Variants in MAPT observed in about 807,000 individuals in gnomAD.
MAPT encodes microtubule associated protein tau, also known as microtubule-associated protein tau.
MAPT carries 34 observed loss-of-function variants against 67.9 expected under a neutral mutation model. That is an observed-to-expected ratio of 0.50 (90% CI 0.38 to 0.67). The LOEUF is 0.67. Ranked by LOEUF, MAPT falls within the 30% of genes least tolerant of loss-of-function variation. MAPT has a pLI of 0.00. For missense variants in MAPT, 881 were observed against 1,115.2 expected (o/e 0.79, Z 2.99); for synonymous variants, 456 against 464.5 (o/e 0.98, Z 0.23).
intron 7 of MAPT, 75 bp downstream of exon 7, chr17:45,990,150 T>G: frequency 7.2e-7 from 1 of 1,384,204 alleles, no homozygotes; most frequent in Non-Finnish European, 1.0e-6. Context: ...TTATTTGTTT[T>G]TTAGCCTCAA....
At chr17:45,992,844 TC>T (rs1386613866) in intron 8 of MAPT, among the ~76,000 whole-genome samples, 6 of 145,094 alleles carry the variant, frequency 4.1e-5, no homozygotes, top group Non-Finnish European at 8.9e-5. Flanking sequence ...TGAGCTGAGA[TC>T]GCACCATTGC....
At chr17:45,925,036 T>G (rs2066144087) in intron 1 of MAPT, among the ~76,000 whole-genome samples, 1 of 152,158 alleles carries the variant, frequency 6.6e-6, no homozygotes, top group Non-Finnish European at 1.5e-5. Flanking sequence ...TGAGGTAAAT[T>G]TAGTTCTGAC....
chr17:46,002,864 C>G (rs933356789), intron 9 of MAPT, among the ~76,000 whole-genome samples: 1 of 151,928 alleles, frequency 6.6e-6, no homozygotes, highest in Non-Finnish European at 1.5e-5. Flanking sequence ...CTCACTGCAG[C>G]CTTGAAGTCC....
chr17:45,928,725 T>C (rs570566958), intron 1 of MAPT, among the ~76,000 whole-genome samples: 1 of 152,312 alleles, frequency 6.6e-6, no homozygotes, highest in South Asian at 2.1e-4. Context: ...AGACAGAGTT[T>C]TGCTCTGTCA....
intron 9 of MAPT, among the ~76,000 whole-genome samples, chr17:46,006,984 A>AAAATAAAATAAAATAAAAT (rs1568322234): frequency 1.2e-5 from 1 of 85,486 alleles, no homozygotes; most frequent in African/African-American, 3.5e-5. Context: ...TAAAATAAAT[A>AAAATAAAATAAAATAAAAT]AAATAAAATA....
chr17:45,969,856 C>T (rs992943408), intron 2 of MAPT, among the ~76,000 whole-genome samples: 2 of 151,988 alleles, frequency 1.3e-5, no homozygotes, highest in Non-Finnish European at 2.9e-5. Flanking sequence ...ATTCTTCCAT[C>T]GATTCATCCA....
Position 45,996,416 on chromosome 17 carries a change from G to C in MAPT, c.1750G>C (p.Gly584Arg). Residue 584 changes from glycine to arginine, a missense_variant, in exon 9 of 13, where the codon GGG (glycine) becomes CGG (arginine). Around this residue, in one of 6 missense-constraint regions of MAPT, gnomAD observed 33 missense variants for 76.0 expected, o/e 0.43. Coordinates refer to ENST00000262410, the MANE Select transcript of MAPT (RefSeq NM_001377265.1). This position sits in a 1 kb window ranked among gnomAD's most constrained non-coding sequence, Gnocchi z 4.5. Reference protein sequence around the residue: ...PPSSGEPPKSGDRSGYSSPGS... With the variant: ...PPSSGEPPKSRDRSGYSSPGS... ...CTTCCCAGGTGAACCTCCAAAATCA[G>C]GGGATCGCAGCGGCTACAGCAGCCC... 3 of 1,612,644 alleles carry C rather than the reference G, an allele frequency of 1.9e-6. No individual in the cohort carries two copies. The highest frequency in any genetic ancestry group is 2.5e-6 in the Non-Finnish European group (3 of 1,179,988).
At chr17:45,914,230 C>T (rs1222944039) in intron 1 of MAPT, among the ~76,000 whole-genome samples, 4 of 102,280 alleles carry the variant, frequency 3.9e-5, no homozygotes, top group East Asian at 2.0e-4. Flanking sequence ...CAGGCTGCCA[C>T]GCATCATGGG....
chr17:45,904,059 T>TTTATATATTATATATTTA (rs1460915885), intron 1 of MAPT, among the ~76,000 whole-genome samples: 2 of 19,388 alleles, frequency 1.0e-4, no homozygotes, highest in Non-Finnish European at 2.0e-4. Flanking sequence ...ATATTATATA[T>TTTATATATTATATATTTA]TATATATTAT....
intron 1 of MAPT, among the ~76,000 whole-genome samples, chr17:45,926,173 T>G (rs2066269711): frequency 6.6e-6 from 1 of 151,572 alleles, no homozygotes; most frequent in South Asian, 2.1e-4. Context: ...ATCGTGCCAC[T>G]GCACTCTAGT....
intron 4 of MAPT, chr17:45,980,404 G>GAAGGCAGGAGAATTGTTACT: frequency 6.6e-6 from 1 of 151,822 alleles, no homozygotes; most frequent in Admixed American, 6.6e-5. Context: ...GGGAGGAGTA[G>GAAGGCAGGAGAATTGTTACT]GAGGCAGGAG....
Position 46,010,330 on chromosome 17 carries a change from G to A in MAPT, c.2019G>A (p.Lys673=). The change falls in exon 10 of 13, where the codon AAG becomes AAA. Residue 673 remains lysine (K), a synonymous_variant. Transcript: ENST00000262410. The surrounding 1 kb of genome is among the most constrained non-coding windows in gnomAD (Gnocchi z 4.7). Reference sequence around the variant, plus strand: ...CAAAGGTGCAGATAATTAATAAGAAGCTGGATCTTAGCAACGTCCAGTCCA... The same window carrying A: ...CAAAGGTGCAGATAATTAATAAGAAACTGGATCTTAGCAACGTCCAGTCCA... ...GGGKVQIINK[K]LDLSNVQSKC... 1 of 1,577,086 alleles carries A rather than the reference G, an allele frequency of 6.3e-7. No homozygotes were observed.
chr17:45,919,252 G>A (rs1185816989), intron 1 of MAPT, among the ~76,000 whole-genome samples: 3 of 151,916 alleles, frequency 2.0e-5, no homozygotes, highest in East Asian at 1.9e-4. Context: ...TGCCTCCACC[G>A]GGCCCCTGGT....
chr17:45,916,614 C>T (rs1213918288), intron 1 of MAPT, among the ~76,000 whole-genome samples: 1 of 152,192 alleles, frequency 6.6e-6, no homozygotes, highest in East Asian at 1.9e-4. Flanking sequence ...AAATGTGTGA[C>T]AGCCTTCAGT....
chr17:45,914,560 G>A (rs981838726), intron 1 of MAPT, among the ~76,000 whole-genome samples: 9 of 152,152 alleles, frequency 5.9e-5, no homozygotes, highest in African/African-American at 9.7e-5. Flanking sequence ...GAAGGCCAGC[G>A]CATGCAACAG....
intron 6 of MAPT, 41 bp from the exon 7 acceptor site, chr17:45,989,837 T>G (rs2073920281): frequency 6.4e-7 from 1 of 1,572,664 alleles, no homozygotes; most frequent in African/African-American, 1.3e-5. Context: ...CTCCTCCATG[T>G]GCTGACTTTT....
intron 1 of MAPT, among the ~76,000 whole-genome samples, chr17:45,904,241 A>ATATATAT (rs1231933367): frequency 1.4e-4 from 7 of 48,302 alleles, no homozygotes; most frequent in East Asian, 1.3e-3. Flanking sequence ...ATATATTATA[A>ATATATAT]TATATATTAT....
chr17:45,955,729 C>CTTTTTT (rs754582955), intron 1 of MAPT, among the ~76,000 whole-genome samples: 2 of 125,390 alleles, frequency 1.6e-5, no homozygotes, highest in Non-Finnish European at 3.9e-5. Context: ...ACACTCCTTC[C>CTTTTTT]TTTTTTTTTT....
chr17:45,948,770 CTTCAAACATGG>C (rs994783525), intron 1 of MAPT, among the ~76,000 whole-genome samples: 3 of 152,176 alleles, frequency 2.0e-5, no homozygotes, highest in African/African-American at 7.2e-5. Flanking sequence ...ACTGGAAATG[CTTCAAACATGG>C]TTCCTATCAT....
Sources: gnomAD v4.1 joint callset for allele counts (sites outside exome capture counted in the v4.1 genomes callset) on GRCh38, gnomAD v4.1.1 for gene constraint, gnomAD v4.1.1 regional missense constraint, Gnocchi (gnomAD v3.1) non-coding constraint, MANE v1.5 for transcripts, NCBI Gene and HGNC (gene_info 2026-07-23, HGNC 2026-07-21) for gene names.